Variants in SPTBN1 observed in about 807,000 individuals in gnomAD.
SPTBN1 encodes spectrin beta, non-erythrocytic 1.
In SPTBN1, 32 loss-of-function variants were observed where a neutral mutation model predicts 266.4. The observed-to-expected ratio is 0.12, with a 90% CI of 0.09 to 0.16. The LOEUF is 0.16. SPTBN1 is among the 10% of genes least tolerant of loss of function. The pLI is 1.00. For synonymous variants in SPTBN1, 1,336 were observed against 1,162.2 expected (o/e 1.15, Z -3.04); for missense variants, 2,296 against 3,067.1 (o/e 0.75, Z 5.94).
intron 2 of SPTBN1, chr2:54,529,393 A>T (rs1452727653): frequency 1.5e-6 from 1 of 684,438 alleles, no homozygotes; most frequent in Non-Finnish European, 2.7e-6. Flanking sequence ...CTAAAGCTGA[A>T]GCCAAAGCAA....
At position 54,668,701 on chromosome 2, in the gene SPTBN1, A is replaced by C; in HGVS notation, c.*132A>C. 1 of 690,916 alleles carries C rather than the reference A, an allele frequency of 1.4e-6. No individual in the cohort carries two copies. 42.8% of individuals were successfully genotyped at this position (690,916 alleles called of 1,614,324 possible). ...GTTGATTTTTTTTTTTTTTTAATTT[A>C]TAGAGCATTTCGGGGGGGGTGGGGG... On this transcript the variant is annotated 3_prime_UTR_variant, in exon 36 of 36. Transcript: ENST00000356805.
chr2:54,668,434 G>A lies in SPTBN1; in HGVS notation c.6960G>A (p.Thr2320=), dbSNP rs775305448. The A allele has an allele frequency of 2.8e-5, 46 of 1,614,068 alleles. No individual in the cohort carries two copies. Among genetic ancestry groups the A allele is most frequent in the East Asian group, 6.7e-5 (3 of 44,902 alleles). The change falls in exon 36 of 36, where the codon ACG becomes ACA. Residue 2320 remains threonine (T), a synonymous_variant. Transcript: ENST00000356805. ...AGGTGTCTGCCAGCACCCAGAGCAC[G>A]CCAGCATCCAGCCGCGCGCAGACCC... ...KHEVSASTQS[T]PASSRAQTLP...
chr2:54,524,004 G>A (rs1470951631), intron 1 of SPTBN1, among the ~76,000 whole-genome samples: 1 of 152,200 alleles, frequency 6.6e-6, no homozygotes, highest in Admixed American at 6.5e-5. Context: ...TTCGAGACCA[G>A]CCTGGCCAAT....
chr2:54,596,426 A>G (rs182280151), intron 2 of SPTBN1, among the ~76,000 whole-genome samples: 1 of 152,238 alleles, frequency 6.6e-6, no homozygotes, highest in Admixed American at 6.5e-5. Context: ...AGGACACGCT[A>G]GTTGACTGGG....
rs1678045192 is a variant in SPTBN1 at position 54,622,313 on chromosome 2, C to G, written c.890C>G (p.Ala297Gly). 6.2e-7 allele frequency: 1 copy of G among 1,614,016 alleles called. No individual in the cohort carries two copies. The highest frequency in any genetic ancestry group is 1.1e-5 in the South Asian group (1 of 91,050). The change falls in exon 9 of 36, where the codon GCT (alanine) becomes GGT (glycine). Residue 297 changes from alanine (A) to glycine (G), a missense_variant. By Grantham distance (60) the Ala-to-Gly change is moderately conservative (BLOSUM62 0). This residue lies in a region of SPTBN1 where 148 missense variants were observed against 203.8 expected (regional missense o/e 0.73). Coordinates refer to ENST00000356805, the MANE Select transcript of SPTBN1 (RefSeq NM_003128.3). ...CCTTGTTGCCAGGTGCTTGACAATG[C>G]TATTGAAACAGAAAAAATGATTGAA... Reference protein sequence around the residue: ...GKRIGKVLDNAIETEKMIEKY... With the variant: ...GKRIGKVLDNGIETEKMIEKY...
chr2:54,509,989 C>T (rs1166614036), intron 1 of SPTBN1, among the ~76,000 whole-genome samples: 1 of 148,414 alleles, frequency 6.7e-6, no homozygotes. Context: ...TAAGGGGTCT[C>T]ACTCTGTCAC....
At chr2:54,473,438 C>T (rs1443595625) in intron 1 of SPTBN1, among the ~76,000 whole-genome samples, 1 of 151,924 alleles carries the variant, frequency 6.6e-6, no homozygotes, top group African/African-American at 2.4e-5. Context: ...TTTATTGAGC[C>T]TATGACTTCT....
Position 54,616,211 on chromosome 2 carries a change from AG to A in SPTBN1, c.481del (p.Asp161IlefsTer25). ...ATATTTCTTTGTAAATCTTAGATCC[AG>A]GATATCAGTGTGGAAACTGAAGACA... ...IWTIILRFQI[Q>X]DISVETEDNK... On this transcript the variant is annotated frameshift_variant, in exon 5 of 36. Coordinates refer to ENST00000356805, the MANE Select transcript of SPTBN1 (RefSeq NM_003128.3). LOFTEE classifies it high-confidence loss of function. The A allele has an allele frequency of 6.2e-7, 1 of 1,613,528 alleles. No individual in the cohort carries two copies. Among genetic ancestry groups the A allele is most frequent in the Non-Finnish European group, 8.5e-7 (1 of 1,179,592 alleles).
chr2:54,596,750 C>A (rs1330214852), intron 2 of SPTBN1, among the ~76,000 whole-genome samples: 1 of 152,116 alleles, frequency 6.6e-6, no homozygotes, highest in Non-Finnish European at 1.5e-5. Flanking sequence ...CCATGATAGC[C>A]CTGGGGAGCC....
intron 2 of SPTBN1, among the ~76,000 whole-genome samples, chr2:54,528,896 G>A (rs1338084290): frequency 6.6e-6 from 1 of 152,220 alleles, no homozygotes; most frequent in Non-Finnish European, 1.5e-5. Context: ...ATTGCATTCA[G>A]TGAATTTACA....
intron 1 of SPTBN1, among the ~76,000 whole-genome samples, chr2:54,509,947 G>T (rs998605906): frequency 4.2e-4 from 48 of 115,218 alleles, no homozygotes; most frequent in Non-Finnish European, 6.5e-4. Flanking sequence ...TTTGTTCCTT[G>T]CTTTCTTTCT....
At chr2:54,621,612 G>A (rs907901438) in intron 8 of SPTBN1, 100 bp downstream of exon 8, 12 of 868,640 alleles carry the variant, frequency 1.4e-5, no homozygotes, top group Non-Finnish European at 2.1e-5. Flanking sequence ...GCAATTTGTA[G>A]TGGACTCTCC....
At chr2:54,470,147 G>A (rs972861389) in intron 1 of SPTBN1, among the ~76,000 whole-genome samples, 2 of 152,170 alleles carry the variant, frequency 1.3e-5, no homozygotes, top group Non-Finnish European at 2.9e-5. Flanking sequence ...TAGAAATCTT[G>A]CTTAATTCAT....
chr2:54,656,009 A>G lies in SPTBN1; in HGVS notation c.6046+11A>G. 6.2e-7 allele frequency: 1 copy of G among 1,605,890 alleles called. No homozygotes were observed. The highest frequency in any genetic ancestry group is 8.5e-7 in the Non-Finnish European group (1 of 1,174,262). Reference sequence around the variant, plus strand: ...AATGGTTAAGACTGAGTAAGGATGTAGTTTATCTTTCTGCTCTTTTGGGTA... The same window carrying G: ...AATGGTTAAGACTGAGTAAGGATGTGGTTTATCTTTCTGCTCTTTTGGGTA... On this transcript the variant is annotated intron_variant, in intron 29 of 35. Coordinates refer to ENST00000356805, the MANE Select transcript of SPTBN1 (RefSeq NM_003128.3).
intron 2 of SPTBN1, among the ~76,000 whole-genome samples, chr2:54,587,686 G>A (rs577532873): frequency 6.6e-6 from 1 of 152,276 alleles, no homozygotes; most frequent in African/African-American, 2.4e-5. Context: ...GGAAGATCAG[G>A]CCTCAAGCTG....
chr2:54,581,577 CTTTTTTTTTTTTTTT>C lies in SPTBN1; in HGVS notation c.149-17506_149-17492del, dbSNP rs70944181. ...GCCTTCATGCTTTGGTTTCTTTGCCCTTTTTTTTTTTTTTTTTTTTTTTGAAACTTTTATTTGCTC... is the reference window on the plus strand; with the variant it reads ...GCCTTCATGCTTTGGTTTCTTTGCCCTTTTTTTTGAAACTTTTATTTGCTC... On this transcript the variant is annotated intron_variant, in intron 2 of 35. Transcript: ENST00000356805. 2.6e-4 allele frequency among the ~76,000 whole-genome samples: 27 copies of C among 102,684 alleles called. 1 individual carries two copies. In the Admixed American group the frequency reaches 3.0e-3, roughly 11 times the overall value. 67.4% of individuals were successfully genotyped at this position (102,684 alleles called of 152,430 possible).
At chr2:54,656,312 C>T (rs1003340434) in intron 29 of SPTBN1, among the ~76,000 whole-genome samples, 1 of 152,304 alleles carries the variant, frequency 6.6e-6, no homozygotes, top group East Asian at 1.9e-4. Flanking sequence ...AGAATTCTTA[C>T]TACAGAATCA....
intron 1 of SPTBN1, among the ~76,000 whole-genome samples, chr2:54,484,450 C>T (rs1460872118): frequency 6.6e-6 from 1 of 152,134 alleles, no homozygotes; most frequent in Non-Finnish European, 1.5e-5. Flanking sequence ...TTTTATTTTG[C>T]CATTTTCTAT....
chr2:54,642,455 A>C (rs1679636136), intron 18 of SPTBN1, among the ~76,000 whole-genome samples: 1 of 152,114 alleles, frequency 6.6e-6, no homozygotes, highest in South Asian at 2.1e-4. Context: ...TTAGCCCTAC[A>C]GTGAGCAAGT....
Sources: allele counts gnomAD v4.1 joint callset (sites outside exome capture counted in the v4.1 genomes callset), GRCh38; gene constraint gnomAD v4.1.1; regional missense constraint gnomAD v4.1.1; transcripts MANE v1.5; gene names NCBI Gene and HGNC (gene_info 2026-07-23, HGNC 2026-07-21).